Variants in OGG1 observed in about 807,000 individuals in gnomAD.
OGG1 encodes the protein N-glycosylase/DNA lyase.
OGG1 carries 35 observed loss-of-function variants against 42.3 expected under a neutral mutation model. The observed-to-expected ratio is 0.83, with a 90% CI of 0.63 to 1.10. OGG1 has a LOEUF of 1.10. Among genes scored for constraint, OGG1 ranks in the 50% least tolerant of loss-of-function variants. The pLI is 0.00. For synonymous variants in OGG1, 189 were observed against 179.0 expected, an observed-to-expected ratio of 1.06 and a Z score of -0.44; for missense variants, 484 against 446.7, an observed-to-expected ratio of 1.08 and a Z score of -0.75.
chr3:9,751,303 T>G, intron 2 of OGG1, 111 bp downstream of exon 2: 2 of 1,167,678 alleles, frequency 1.7e-6, no homozygotes, highest in Non-Finnish European at 2.5e-6. Flanking sequence ...TAGGCTTTTA[T>G]GAGGATTTAA....
chr3:9,751,764 C>G lies in OGG1; in HGVS notation c.386-6C>G. ...CTCTCCTACCCCCTGCATTTCTGGT[C>G]TCCAGGTGTGCGACTGCTGCGACAA... On this transcript the variant is annotated splice_region_variant and splice_polypyrimidine_tract_variant and intron_variant, in intron 2 of 6. Transcript: ENST00000344629. The G allele has an allele frequency of 1.9e-6, 3 of 1,614,152 alleles. No individual in the cohort carries two copies. Among genetic ancestry groups the G allele is most frequent in the Non-Finnish European group, 2.5e-6 (3 of 1,179,984 alleles).
intron 3 of OGG1, chr3:9,783,846 G>C (rs2078539840): frequency 1.8e-6 from 2 of 1,102,754 alleles, no homozygotes; most frequent in African/African-American, 1.6e-5. Context: ...CCACTCTGTG[G>C]AATCAGAATT....
chr3:9,775,019 G>A (rs2078347392), intron 2 of OGG1, among the ~76,000 whole-genome samples: 1 of 151,624 alleles, frequency 6.6e-6, no homozygotes, highest in Admixed American at 6.6e-5. Context: ...GGAGGCCGAG[G>A]CAGGAGGATC....
At chr3:9,775,366 A>G (rs1173623803) in intron 2 of OGG1, among the ~76,000 whole-genome samples, 8 of 152,260 alleles carry the variant, frequency 5.3e-5, no homozygotes, top group African/African-American at 1.7e-4. Context: ...TTTTCAATGT[A>G]TGATTCCAGT....
downstream of OGG1, among the ~76,000 whole-genome samples, chr3:9,790,213 T>C (rs2078700299): frequency 6.6e-6 from 1 of 152,192 alleles, no homozygotes; most frequent in African/African-American, 2.4e-5. Context: ...CACTTCTGTA[T>C]CACCCATGCC....
intron 7 of OGG1, chr3:9,763,368 C>T: frequency 3.9e-6 from 1 of 259,462 alleles, no homozygotes. Flanking sequence ...CTAGCCACTG[C>T]ACTCCAGCCT....
At chr3:9,787,715 A>C (rs1359089949) in intron 3 of OGG1, 2 of 1,308,828 alleles carry the variant, frequency 1.5e-6, no homozygotes, top group Admixed American at 4.5e-5. Context: ...TGTCTGTATG[A>C]ACTCTTTTTC....
downstream of OGG1, chr3:9,767,557 C>A (rs2078188363): frequency 5.6e-6 from 8 of 1,418,402 alleles, no homozygotes; most frequent in Admixed American, 3.6e-5. Flanking sequence ...GATAGTGCTG[C>A]CACAGGGCCT....
At chr3:9,755,002 G>A in intron 4 of OGG1, 117 bp downstream of exon 4, 2 of 819,334 alleles carry the variant, frequency 2.4e-6, no homozygotes, top group South Asian at 1.5e-5. Context: ...GCAGGAAGGA[G>A]AAAGGATATA....
downstream of OGG1, chr3:9,757,421 G>A (rs2077629855): frequency 6.2e-6 from 10 of 1,608,756 alleles, no homozygotes; most frequent in South Asian, 9.9e-5. The surrounding 1 kb of genome is among the most constrained non-coding windows in gnomAD (Gnocchi z 4.5). Flanking sequence ...AGTGAGGAGT[G>A]GTAGGGAAGC....
chr3:9,761,349 A>G, downstream of OGG1: 1 of 1,056,706 alleles, frequency 9.5e-7, no homozygotes, highest in Non-Finnish European at 1.4e-6. Context: ...GGTGGAAGGA[A>G]GGGAGGGAGG....
chr3:9,750,167 A>AC lies in OGG1; in HGVS notation c.-119dup. 6.1e-6 allele frequency: 8 copies of AC among 1,305,526 alleles called. No homozygotes were observed. The South Asian group carries it at 1.1e-4, about 18-fold the overall frequency. 80.9% of individuals were successfully genotyped at this position (1,305,526 alleles called of 1,614,324 possible). On this transcript the variant is annotated 5_prime_UTR_variant, in exon 1 of 7. Transcript: ENST00000344629. ...TAAGTGAAACAGGGAAGGTTGTTAA[A>AC]CAGCACCGTGTGGGCGAGGCCTTAA...
intron 2 of OGG1, among the ~76,000 whole-genome samples, chr3:9,772,180 C>T (rs1355197702): frequency 6.6e-6 from 1 of 152,136 alleles, no homozygotes; most frequent in Non-Finnish European, 1.5e-5. Flanking sequence ...TCTGAGAGGC[C>T]TCGTGTTTTC....
downstream of OGG1, chr3:9,788,272 G>A (rs12495089): frequency 3.3e-3 from 509 of 152,858 alleles, 7 homozygotes; most frequent in Admixed American, 0.018. Flanking sequence ...TTGAGACAGA[G>A]TCTTGCTCTG....
downstream of OGG1, chr3:9,760,253 G>GA (rs58204599): frequency 0.029 from 4,080 of 140,284 alleles, 1 homozygote; most frequent in South Asian, 0.089. Flanking sequence ...AAAAAAGAAA[G>GA]AAAAAAAAAA....
intron 7 of OGG1, chr3:9,765,714 A>G: frequency 1.9e-6 from 3 of 1,606,722 alleles, no homozygotes; most frequent in Middle Eastern, 1.8e-4. Flanking sequence ...TGGGAGGGCC[A>G]AGGCAGGGTC....
In OGG1 at chr3:9,754,826, G is replaced by A; in HGVS notation, c.688G>A (p.Glu230Lys). ...GCTAGCCTGGCTGCAGCAGCTACGA[G>A]AGTCCTCATATGAGGAGGCCCACAA... ...GGLAWLQQLRESSYEEAHKAL... is the reference protein window; with the variant it reads ...GGLAWLQQLRKSSYEEAHKAL... Residue 230 changes from glutamate (E) to lysine (K), a missense_variant, in exon 4 of 7, where the codon GAG becomes AAG. Transcript: ENST00000344629. 1 of 1,611,764 alleles carries A rather than the reference G, an allele frequency of 6.2e-7. No individual in the cohort carries two copies. The highest frequency in any genetic ancestry group is 8.5e-7 in the Non-Finnish European group (1 of 1,179,038).
chr3:9,758,001 A>G (rs1435351397), downstream of OGG1: 68 of 1,254,398 alleles, frequency 5.4e-5, no homozygotes, highest in Non-Finnish European at 6.8e-5. Flanking sequence ...AAACCTCTAC[A>G]AGGCTTTATT....
chr3:9,786,419 G>A (rs542647509), intron 3 of OGG1, among the ~76,000 whole-genome samples: 1 of 152,308 alleles, frequency 6.6e-6, no homozygotes, highest in Non-Finnish European at 1.5e-5. Context: ...AAACTCTTGT[G>A]TTTGAGCCAG....
Sources: allele counts gnomAD v4.1 joint callset (sites outside exome capture counted in the v4.1 genomes callset), GRCh38; gene constraint gnomAD v4.1.1; non-coding constraint Gnocchi (gnomAD v3.1); transcripts MANE v1.5; gene names NCBI Gene and HGNC (gene_info 2026-07-23, HGNC 2026-07-21).